PTPRK: variants seen among roughly 807,000 people sequenced by gnomAD.
The protein encoded by PTPRK is protein tyrosine phosphatase receptor type K.
A neutral mutation model predicts 178.0 loss-of-function variants in PTPRK; 75 were observed. The ratio of observed to expected loss-of-function variants is 0.42; its 90% confidence interval spans 0.35 to 0.51. The LOEUF (loss-of-function observed/expected upper bound fraction) is 0.51, where lower values mean the gene tolerates loss of function less well. Ranked by LOEUF, PTPRK falls within the 20% of genes least tolerant of loss-of-function variation. The pLI, the probability that PTPRK is intolerant of heterozygous loss-of-function variation, is 0.02. For missense variants in PTPRK, 1,441 were observed against 1,797.8 expected (o/e 0.80, Z 3.59); for synonymous variants, 637 against 620.6 (o/e 1.03, Z -0.39).
chr6:128,279,557 T>C (rs1362453333), intron 3 of PTPRK, among the ~76,000 whole-genome samples: 3 of 152,126 alleles, frequency 2.0e-5, no homozygotes, highest in African/African-American at 7.2e-5. Context: ...AGACATATAC[T>C]CCAGACGTTA....
At chr6:128,252,636 G>A (rs193150791) in intron 3 of PTPRK, among the ~76,000 whole-genome samples, 4 of 152,158 alleles carry the variant, frequency 2.6e-5, no homozygotes, top group Non-Finnish European at 4.4e-5. Context: ...GCTTTCTCAA[G>A]AAGGTTTTGA....
chr6:127,985,595 TTATC>T (rs1200171764), intron 22 of PTPRK, 122 bp downstream of exon 22: 8 of 1,097,852 alleles, frequency 7.3e-6, no homozygotes, highest in Non-Finnish European at 5.1e-6. Context: ...CTGTTTTACT[TTATC>T]TATAATACAA....
intron 7 of PTPRK, among the ~76,000 whole-genome samples, chr6:128,110,184 A>C (rs1410339358): frequency 6.6e-6 from 1 of 152,140 alleles, no homozygotes; most frequent in East Asian, 1.9e-4. Flanking sequence ...TTGGTCTCCA[A>C]AAATGCTAGG....
intron 2 of PTPRK, among the ~76,000 whole-genome samples, chr6:128,382,330 A>C (rs1838057038): frequency 1.3e-5 from 2 of 151,904 alleles, no homozygotes; most frequent in Non-Finnish European, 2.9e-5. Context: ...CTATCTTTTC[A>C]ACTATATGTA....
At chr6:128,414,094 C>T (rs140387783) in intron 1 of PTPRK, among the ~76,000 whole-genome samples, 295 of 152,152 alleles carry the variant, frequency 1.9e-3, no homozygotes, top group Non-Finnish European at 3.3e-3. Context: ...TGTGATACTC[C>T]CCAAACTCTA....
At chr6:128,340,746 A>G (rs766185762) in intron 2 of PTPRK, 1 of 458,948 alleles carries the variant, frequency 2.2e-6, no homozygotes, top group South Asian at 1.7e-5. Flanking sequence ...TAAGAGTGGC[A>G]AATAGGTACT....
At chr6:128,275,293 T>C (rs1820546376) in intron 3 of PTPRK, among the ~76,000 whole-genome samples, 1 of 152,066 alleles carries the variant, frequency 6.6e-6, no homozygotes, top group African/African-American at 2.4e-5. Context: ...AAATATTACT[T>C]ATCTATGTTT....
intron 7 of PTPRK, among the ~76,000 whole-genome samples, chr6:128,142,804 T>C (rs1222845244): frequency 6.6e-6 from 1 of 151,998 alleles, no homozygotes; most frequent in East Asian, 1.9e-4. Flanking sequence ...AGTATCCTGG[T>C]GTCATGCATA....
chr6:128,426,828 T>C (rs1220995810), intron 1 of PTPRK, among the ~76,000 whole-genome samples: 1 of 152,180 alleles, frequency 6.6e-6, no homozygotes, highest in Non-Finnish European at 1.5e-5. Flanking sequence ...ATATATAATG[T>C]TCCTACTGCA....
intron 3 of PTPRK, among the ~76,000 whole-genome samples, chr6:128,256,924 G>A (rs1423466726): frequency 6.6e-6 from 1 of 152,074 alleles, no homozygotes; most frequent in Non-Finnish European, 1.5e-5. Flanking sequence ...TAGTTAGGAA[G>A]AATAGAACAG....
intron 1 of PTPRK, among the ~76,000 whole-genome samples, chr6:128,492,173 C>G (rs1018992167): frequency 3.3e-5 from 5 of 152,120 alleles, no homozygotes; most frequent in African/African-American, 1.2e-4. Context: ...GTTCCTAGTA[C>G]CGTACTTCTG....
intron 1 of PTPRK, among the ~76,000 whole-genome samples, chr6:128,493,691 A>T (rs1431079894): frequency 6.6e-6 from 1 of 151,518 alleles, no homozygotes; most frequent in African/African-American, 2.4e-5. Context: ...GAACTAGAAG[A>T]GAGTTTAGAA....
chr6:128,390,181 C>A (rs559764367), intron 2 of PTPRK, among the ~76,000 whole-genome samples: 49 of 152,142 alleles, frequency 3.2e-4, no homozygotes, highest in Non-Finnish European at 5.7e-4. Context: ...TTTTCAAACC[C>A]TAGACTTTAG....
chr6:128,315,795 C>T (rs1207139408), intron 3 of PTPRK, among the ~76,000 whole-genome samples: 1 of 152,076 alleles, frequency 6.6e-6, no homozygotes. Context: ...CACCACAGCA[C>T]AAAAGTTAAA....
intron 1 of PTPRK, among the ~76,000 whole-genome samples, chr6:128,430,671 A>G (rs890648649): frequency 6.6e-6 from 1 of 152,194 alleles, no homozygotes; most frequent in African/African-American, 2.4e-5. Flanking sequence ...AAAGTCACAA[A>G]AGGGTGACTT....
intron 13 of PTPRK, among the ~76,000 whole-genome samples, chr6:128,040,607 C>G (rs762588606): frequency 7.2e-5 from 11 of 152,040 alleles, no homozygotes; most frequent in African/African-American, 2.2e-4. Context: ...ATGAACATCT[C>G]TCAGAAAGAG....
At chr6:128,401,376 T>C (rs1046585060) in intron 1 of PTPRK, among the ~76,000 whole-genome samples, 1 of 152,164 alleles carries the variant, frequency 6.6e-6, no homozygotes, top group African/African-American at 2.4e-5. Context: ...ACATCTAGCA[T>C]TTAGATTCTT....
intron 6 of PTPRK, among the ~76,000 whole-genome samples, chr6:128,186,848 A>C (rs1802847889): frequency 6.6e-6 from 1 of 152,146 alleles, no homozygotes; most frequent in Non-Finnish European, 1.5e-5. Context: ...GAAAAAATGT[A>C]AATGTCTTCC....
chr6:128,485,610 C>CA (rs1421242071), intron 1 of PTPRK, among the ~76,000 whole-genome samples: 1 of 152,118 alleles, frequency 6.6e-6, no homozygotes, highest in Non-Finnish European at 1.5e-5. Context: ...CTATTTTGCA[C>CA]AGTTGCTGTC....
Sources: gnomAD v4.1 joint callset for allele counts (sites outside exome capture counted in the v4.1 genomes callset) on GRCh38, gnomAD v4.1.1 for gene constraint, MANE v1.5 for transcripts, NCBI Gene and HGNC (gene_info 2026-07-23, HGNC 2026-07-21) for gene names.